The following CCSER2 variants were observed in gnomAD, a reference collection of about 807,000 sequenced individuals.
CCSER2 encodes the protein serine-rich coiled-coil domain-containing protein 2.
CCSER2 carries 46 observed loss-of-function variants against 92.3 expected under a neutral mutation model. The observed-to-expected ratio is 0.50, with a 90% confidence interval of 0.39 to 0.64. The LOEUF (loss-of-function observed/expected upper bound fraction) is 0.64, where lower values mean the gene tolerates loss of function less well. CCSER2 is among the 30% of genes least tolerant of loss of function. The pLI, the probability that CCSER2 is intolerant of heterozygous loss-of-function variation, is 0.00. For synonymous variants in CCSER2, 433 were observed against 431.4 expected (o/e 1.00, Z -0.04); for missense variants, 1,244 against 1,238.9 (o/e 1.00, Z -0.06).
chr10:84,493,115 A>G (rs1410864501), intron 9 of CCSER2, among the ~76,000 whole-genome samples: 1 of 152,176 alleles, frequency 6.6e-6, no homozygotes, highest in East Asian at 1.9e-4. Context: ...TGGGAGTTTT[A>G]AAGTTATAAA....
At chr10:84,429,798 C>A (rs1462159681) in intron 5 of CCSER2, among the ~76,000 whole-genome samples, 1 of 150,594 alleles carries the variant, frequency 6.6e-6, no homozygotes, top group African/African-American at 2.4e-5. Context: ...TTCTTTCTGC[C>A]CCTCCCCACT....
intron 1 of CCSER2, among the ~76,000 whole-genome samples, chr10:84,356,642 TAAG>T (rs1220134719): frequency 2.0e-5 from 3 of 152,176 alleles, no homozygotes; most frequent in Admixed American, 1.3e-4. Context: ...AATACATTAT[TAAG>T]AAGGAAGCTA....
intron 3 of CCSER2, among the ~76,000 whole-genome samples, chr10:84,385,342 C>T (rs532749317): frequency 3.9e-5 from 6 of 152,264 alleles, no homozygotes; most frequent in African/African-American, 1.4e-4. Context: ...CATCACATTA[C>T]CTGACTTCAA....
At chr10:84,468,959 T>C (rs1172786903) in intron 7 of CCSER2, among the ~76,000 whole-genome samples, 2 of 152,204 alleles carry the variant, frequency 1.3e-5, no homozygotes, top group African/African-American at 4.8e-5. Context: ...TTAATATTTA[T>C]AAAACAATAC....
chr10:84,335,650 C>T (rs943354285), intron 1 of CCSER2, among the ~76,000 whole-genome samples: 2 of 152,204 alleles, frequency 1.3e-5, no homozygotes, highest in African/African-American at 2.4e-5. Flanking sequence ...CCTTTGATGA[C>T]GAAGGCCCTA....
In CCSER2 at chr10:84,477,615, A is replaced by C. The variant is rs1297416460; in HGVS notation, c.2276A>C (p.Lys759Thr). The C allele has an allele frequency of 6.2e-7, 1 of 1,612,902 alleles. No homozygotes were observed. Among genetic ancestry groups the C allele is most frequent in the South Asian group, 1.1e-5 (1 of 90,922 alleles). Residue 759 changes from lysine to threonine, a missense_variant, in exon 9 of 10, where the codon AAA (lysine) becomes ACA (threonine). Physicochemically the swap from Lys to Thr is moderately conservative, Grantham distance 78. Coordinates refer to ENST00000372088, the MANE Select transcript of CCSER2 (RefSeq NM_001284240.2). ...HICHQKCKEEKCTYADKYTQT... is the reference protein window; with the variant it reads ...HICHQKCKEETCTYADKYTQT... The stretch of plus-strand genomic sequence containing the variant: ...TGCCACCAAAAATGTAAAGAGGAAA[A>C]ATGCACTTATGCTGATAAATATACC...
chr10:84,465,198 TG>T (rs1268878011), intron 7 of CCSER2, among the ~76,000 whole-genome samples: 1 of 146,114 alleles, frequency 6.8e-6, no homozygotes, highest in African/African-American at 2.5e-5. Context: ...TGTGAATTTG[TG>T]ACTGACATTT....
chr10:84,383,739 C>G (rs1311909851), intron 3 of CCSER2, among the ~76,000 whole-genome samples: 2 of 152,114 alleles, frequency 1.3e-5, no homozygotes, highest in East Asian at 3.8e-4. Context: ...TCATTAAACT[C>G]TGGTGAGATC....
chr10:84,380,648 C>T (rs1441093351), intron 3 of CCSER2, among the ~76,000 whole-genome samples: 1 of 151,234 alleles, frequency 6.6e-6, no homozygotes, highest in Non-Finnish European at 1.5e-5. Flanking sequence ...AACTTCACCT[C>T]TGTCATGTAC....
intron 3 of CCSER2, among the ~76,000 whole-genome samples, chr10:84,403,476 C>CT (rs1482926398): frequency 1.3e-5 from 2 of 152,074 alleles, no homozygotes; most frequent in Admixed American, 6.6e-5. Context: ...GCAAAAAACT[C>CT]TATTAAGAGG....
intron 9 of CCSER2, among the ~76,000 whole-genome samples, chr10:84,484,622 G>A (rs1269731833): frequency 6.6e-6 from 1 of 151,864 alleles, no homozygotes; most frequent in Non-Finnish European, 1.5e-5. Context: ...CATATACATT[G>A]GTGTTTAAAT....
intron 3 of CCSER2, among the ~76,000 whole-genome samples, chr10:84,388,209 T>G (rs1350206562): frequency 6.6e-6 from 1 of 152,170 alleles, no homozygotes; most frequent in Non-Finnish European, 1.5e-5. Context: ...TTAACTCAGG[T>G]TTTATCGTAC....
intron 4 of CCSER2, among the ~76,000 whole-genome samples, chr10:84,418,110 A>G (rs1336988115): frequency 6.6e-6 from 1 of 152,212 alleles, no homozygotes; most frequent in Non-Finnish European, 1.5e-5. Context: ...GTTGCAGATA[A>G]GAGTTGTCTT....
intron 6 of CCSER2, among the ~76,000 whole-genome samples, chr10:84,440,858 G>A (rs4934016): frequency 0.15 from 22,915 of 152,164 alleles, 1,851 homozygotes; most frequent in Admixed American, 0.24. Context: ...AGAAATTTGA[G>A]GGCATTGCTT....
chr10:84,409,253 A>G (rs1251104196), intron 3 of CCSER2, among the ~76,000 whole-genome samples: 1 of 152,096 alleles, frequency 6.6e-6, no homozygotes. Flanking sequence ...GGCCTCTCAA[A>G]GTGCTGGGAT....
chr10:84,499,957 AGAGT>A (rs1461463129), intron 9 of CCSER2: 2 of 1,613,652 alleles, frequency 1.2e-6, no homozygotes, highest in East Asian at 2.2e-5. Flanking sequence ...CACCGCAGAC[AGAGT>A]GAGTCTGTGT....
intron 7 of CCSER2, among the ~76,000 whole-genome samples, chr10:84,465,239 TTGTG>T (rs59254139): frequency 0.044 from 4,721 of 106,750 alleles, 187 homozygotes; most frequent in Non-Finnish European, 0.053. Context: ...TTTCCTGAAT[TTGTG>T]TGTGTGTGTG....
At chr10:84,387,041 A>G (rs570376197) in intron 3 of CCSER2, among the ~76,000 whole-genome samples, 3 of 152,282 alleles carry the variant, frequency 2.0e-5, no homozygotes, top group South Asian at 4.2e-4. Flanking sequence ...CCATTATGCA[A>G]CATGTTCATG....
At chr10:84,382,718 G>T (rs578041985) in intron 3 of CCSER2, among the ~76,000 whole-genome samples, 3 of 152,122 alleles carry the variant, frequency 2.0e-5, no homozygotes, top group Non-Finnish European at 4.4e-5. Context: ...TTTATAGGAG[G>T]CCCAAAGAAG....
Sources: allele counts gnomAD v4.1 joint callset (sites outside exome capture counted in the v4.1 genomes callset), GRCh38; gene constraint gnomAD v4.1.1; transcripts MANE v1.5; gene names NCBI Gene and HGNC (gene_info 2026-07-23, HGNC 2026-07-21).